The following NTNG1 variants were observed in gnomAD, a reference collection of about 807,000 sequenced individuals.
NTNG1 encodes netrin G1, also known as netrin-G1.
In NTNG1, 16 loss-of-function variants were observed where a neutral mutation model predicts 54.0. That is an observed-to-expected ratio of 0.30 (90% CI 0.20 to 0.45). The LOEUF is 0.45. NTNG1 is among the 20% of genes least tolerant of loss of function. The pLI, the probability that NTNG1 is intolerant of heterozygous loss-of-function variation, is 1.00. For synonymous variants in NTNG1, 255 were observed against 263.1 expected (o/e 0.97, Z 0.30); for missense variants, 530 against 678.7 (o/e 0.78, Z 2.43).
chr1:107,407,861 C>A (rs1360132868), intron 5 of NTNG1, 153 bp downstream of exon 5: 3 of 770,802 alleles, frequency 3.9e-6, no homozygotes, highest in Non-Finnish European at 7.1e-6. Context: ...GTTTTCTGCA[C>A]AGATCTGGTG....
At chr1:107,407,292 G>A (rs180894922) in intron 4 of NTNG1, among the ~76,000 whole-genome samples, 164 of 152,088 alleles carry the variant, frequency 1.1e-3, no homozygotes, top group Middle Eastern at 0.01. Context: ...GTGTATATTT[G>A]GTACTCTGTA....
chr1:107,481,089 G>C lies in NTNG1; in HGVS notation c.*249G>C. The C allele has an allele frequency of 8.0e-6, 4 of 498,830 alleles. No homozygotes were observed. The highest frequency in any genetic ancestry group is 3.0e-5 in the East Asian group (1 of 33,530). 30.9% of individuals were successfully genotyped at this position (498,830 alleles called of 1,614,324 possible). A position where few individuals can be genotyped will look rare whatever the true frequency, so the allele number is the denominator to read the frequency against. On this transcript the variant is annotated 3_prime_UTR_variant, in exon 8 of 8. Transcript: ENST00000370068. ...ATTATCACTGCAAATCACATTGCCA[G>C]CTGCAGAGCATATTGTGGATTGGAA...
intron 3 of NTNG1, among the ~76,000 whole-genome samples, chr1:107,363,267 C>T (rs1340625288): frequency 6.6e-6 from 1 of 152,100 alleles, no homozygotes; most frequent in Admixed American, 6.6e-5. Context: ...ACTGCAAATA[C>T]AAATAAAACA....
chr1:107,358,172 T>A (rs1168755428), intron 3 of NTNG1, among the ~76,000 whole-genome samples: 1 of 152,156 alleles, frequency 6.6e-6, no homozygotes, highest in East Asian at 1.9e-4. Flanking sequence ...ACCTAAGGTA[T>A]GAATTTTTTT....
intron 3 of NTNG1, among the ~76,000 whole-genome samples, chr1:107,349,162 C>T (rs953387261): frequency 2.0e-5 from 3 of 152,086 alleles, no homozygotes; most frequent in Non-Finnish European, 2.9e-5. Context: ...AATTTCTCTA[C>T]CTGGAATGCT....
At chr1:107,405,364 G>A (rs909297251) in intron 4 of NTNG1, among the ~76,000 whole-genome samples, 3 of 152,030 alleles carry the variant, frequency 2.0e-5, no homozygotes, top group African/African-American at 7.2e-5. Flanking sequence ...TGACTCATCT[G>A]GCAGCACCTC....
intron 5 of NTNG1, among the ~76,000 whole-genome samples, chr1:107,424,725 A>G (rs1459041940): frequency 1.3e-5 from 2 of 152,138 alleles, no homozygotes; most frequent in Non-Finnish European, 2.9e-5. Context: ...TGAACAAGTT[A>G]AAGTTGAAAT....
chr1:107,309,880 C>G (rs1011192060), intron 2 of NTNG1, among the ~76,000 whole-genome samples: 4 of 152,176 alleles, frequency 2.6e-5, no homozygotes, highest in African/African-American at 9.6e-5. Context: ...AGCCTTACTC[C>G]TGGCCTCCCA....
intron 3 of NTNG1, among the ~76,000 whole-genome samples, chr1:107,326,084 T>C (rs1371482257): frequency 6.6e-6 from 1 of 151,984 alleles, no homozygotes; most frequent in African/African-American, 2.4e-5. Flanking sequence ...GCTGTTAAGG[T>C]AAAGACCATA....
intron 3 of NTNG1, among the ~76,000 whole-genome samples, chr1:107,384,218 G>C (rs1671822167): frequency 6.6e-6 from 1 of 152,158 alleles, no homozygotes; most frequent in Non-Finnish European, 1.5e-5. Context: ...CTTAGAAATA[G>C]AATAGGGCAA....
At chr1:107,203,181 T>G (rs187676404) in intron 2 of NTNG1, among the ~76,000 whole-genome samples, 56 of 151,986 alleles carry the variant, frequency 3.7e-4, no homozygotes, top group Middle Eastern at 3.4e-3. Flanking sequence ...GTTCTTTAAT[T>G]CTTTCAGTCA....
chr1:107,214,125 T>C (rs1393034614), intron 2 of NTNG1, among the ~76,000 whole-genome samples: 2 of 152,160 alleles, frequency 1.3e-5, no homozygotes, highest in African/African-American at 4.8e-5. Flanking sequence ...TTTTAATGTA[T>C]TTATTTTTTA....
chr1:107,366,796 GA>G (rs1447542496), intron 3 of NTNG1, among the ~76,000 whole-genome samples: 1 of 152,132 alleles, frequency 6.6e-6, no homozygotes, highest in Non-Finnish European at 1.5e-5. Flanking sequence ...GAAATTATAT[GA>G]AATACTTCTA....
chr1:107,308,601 G>A (rs1666822789), intron 2 of NTNG1, among the ~76,000 whole-genome samples: 2 of 152,046 alleles, frequency 1.3e-5, no homozygotes, highest in South Asian at 2.1e-4. Flanking sequence ...CTCCAGATTC[G>A]TTATTTTTGC....
Position 107,480,879 on chromosome 1 carries a change from G to C in NTNG1, c.*39G>C. ...CCACACCGGACGGGCCTGTGCCGTG[G>C]GGAAGCAGACACAACCCAAACATTT... On this transcript the variant is annotated 3_prime_UTR_variant, in exon 8 of 8. Transcript: ENST00000370068. The C allele has an allele frequency of 6.8e-7, 1 of 1,478,874 alleles. No homozygotes were observed. The highest frequency in any genetic ancestry group is 9.2e-7 in the Non-Finnish European group (1 of 1,084,816). 91.6% of individuals were successfully genotyped at this position (1,478,874 alleles called of 1,614,324 possible).
intron 2 of NTNG1, among the ~76,000 whole-genome samples, chr1:107,293,525 A>G (rs977766754): frequency 6.6e-6 from 1 of 152,174 alleles, no homozygotes; most frequent in Non-Finnish European, 1.5e-5. Flanking sequence ...TGTTGTTTAT[A>G]CAATGTTCCC....
intron 3 of NTNG1, among the ~76,000 whole-genome samples, chr1:107,359,822 A>G (rs1043921592): frequency 3.9e-5 from 6 of 152,130 alleles, no homozygotes; most frequent in Non-Finnish European, 8.8e-5. Flanking sequence ...ATAAGATGAA[A>G]AAAAAGGAAA....
chr1:107,400,192 A>G (rs900131516), intron 4 of NTNG1, among the ~76,000 whole-genome samples: 1 of 152,098 alleles, frequency 6.6e-6, no homozygotes, highest in Non-Finnish European at 1.5e-5. Context: ...TTCACTCTAT[A>G]TTGAAATTCT....
intron 2 of NTNG1, among the ~76,000 whole-genome samples, chr1:107,175,553 T>C (rs567035523): frequency 9.9e-5 from 15 of 152,258 alleles, no homozygotes; most frequent in African/African-American, 3.6e-4. Context: ...TGGCAAACAT[T>C]CTGGTATAAT....
Sources: gnomAD v4.1 joint callset for allele counts (sites outside exome capture counted in the v4.1 genomes callset) on GRCh38, gnomAD v4.1.1 for gene constraint, MANE v1.5 for transcripts, NCBI Gene and HGNC (gene_info 2026-07-23, HGNC 2026-07-21) for gene names.